Variants in SEC24B observed in about 807,000 individuals in gnomAD.
SEC24B encodes the protein protein transport protein Sec24B.
Under a neutral mutation model 142.8 loss-of-function variants are expected in SEC24B, and 45 were observed. The ratio of observed to expected loss-of-function variants is 0.32; its 90% CI spans 0.25 to 0.40. The LOEUF (loss-of-function observed/expected upper bound fraction) is 0.40. Ranked by LOEUF, SEC24B falls within the 10% of genes least tolerant of loss-of-function variation. The pLI, the probability that SEC24B is intolerant of heterozygous loss-of-function variation, is 1.00. For missense variants in SEC24B, 1,409 were observed against 1,526.8 expected (o/e 0.92, Z 1.29); for synonymous variants, 574 against 568.2 (o/e 1.01, Z -0.15).
intron 11 of SEC24B, among the ~76,000 whole-genome samples, chr4:109,518,559 T>A (rs547082221): frequency 6.6e-6 from 1 of 152,324 alleles, no homozygotes; most frequent in Admixed American, 6.5e-5. Flanking sequence ...ATATCACTGA[T>A]CTTGGCCTGA....
chr4:109,494,497 G>A (rs576529350), intron 5 of SEC24B, 118 bp from the exon 6 acceptor site: 38 of 1,340,290 alleles, frequency 2.8e-5, no homozygotes, highest in Non-Finnish European at 3.5e-5. Context: ...AAATTTCTTA[G>A]AATAAAAAGC....
At chr4:109,467,009 C>A (rs1731971338) in intron 2 of SEC24B, among the ~76,000 whole-genome samples, 1 of 152,136 alleles carries the variant, frequency 6.6e-6, no homozygotes, top group Non-Finnish European at 1.5e-5. Flanking sequence ...TAATTCAGTA[C>A]TAGAACTTCA....
rs948614935 is a variant in SEC24B, at chr4:109,433,984, G to C, written c.115G>C (p.Ala39Pro). ...AAPAGPGAGP[A>P]PHQQNGPAQN... ...GCCCGCGGGCCCGGGTGCGGGCCCG[G>C]CGCCGCACCAGCAGAACGGTGAGGC... Residue 39 changes from alanine to proline, a missense_variant, in exon 1 of 24, where the codon GCG (alanine) becomes CCG (proline). Ala to Pro is a conservative substitution (Grantham distance 27). Transcript: ENST00000265175. The C allele has an allele frequency of 3.8e-5, 45 of 1,196,846 alleles. 2 individuals carry two copies. 74.1% of individuals were successfully genotyped at this position (1,196,846 alleles called of 1,614,324 possible).
At chr4:109,458,741 A>G (rs971972765) in intron 1 of SEC24B, among the ~76,000 whole-genome samples, 1 of 152,182 alleles carries the variant, frequency 6.6e-6, no homozygotes, top group Non-Finnish European at 1.5e-5. Flanking sequence ...ATACATATAT[A>G]TGCAAAAAGA....
intron 1 of SEC24B, among the ~76,000 whole-genome samples, chr4:109,444,472 ATTTTT>A (rs796951465): frequency 7.8e-6 from 1 of 128,250 alleles, no homozygotes. Context: ...AGATCCTGTG[ATTTTT>A]TTTTTTTTTT....
At chr4:109,483,000 A>ACACACT (rs1733930571) in intron 4 of SEC24B, among the ~76,000 whole-genome samples, 1 of 108,180 alleles carries the variant, frequency 9.2e-6, no homozygotes, top group Non-Finnish European at 1.9e-5. Flanking sequence ...ACACACACAC[A>ACACACT]CACATATTAT....
chr4:109,497,799 G>C (rs1384559311), intron 6 of SEC24B, among the ~76,000 whole-genome samples: 1 of 152,108 alleles, frequency 6.6e-6, no homozygotes, highest in East Asian at 1.9e-4. Flanking sequence ...CTTTTAGTGA[G>C]TGTATATATC....
intron 1 of SEC24B, among the ~76,000 whole-genome samples, chr4:109,438,555 A>C (rs1728628994): frequency 6.6e-6 from 1 of 152,226 alleles, no homozygotes; most frequent in South Asian, 2.1e-4. Context: ...GACTTCCCAA[A>C]GTGCTGGGAT....
chr4:109,498,264 A>C (rs1735731291), intron 6 of SEC24B, among the ~76,000 whole-genome samples: 1 of 152,230 alleles, frequency 6.6e-6, no homozygotes, highest in Non-Finnish European at 1.5e-5. Context: ...TGATTTAGGT[A>C]TACAGCTAGG....
chr4:109,452,249 G>GC (rs147786791), intron 1 of SEC24B, among the ~76,000 whole-genome samples: 2,250 of 152,222 alleles, frequency 0.015, 38 homozygotes, highest in African/African-American at 0.038. Flanking sequence ...TGCACAAATT[G>GC]ATATTCTGTT....
chr4:109,466,480 A>G (rs1446096387), intron 2 of SEC24B, among the ~76,000 whole-genome samples: 3 of 152,200 alleles, frequency 2.0e-5, no homozygotes, highest in Non-Finnish European at 2.9e-5. Context: ...GCGCCATCTC[A>G]GCTCACTGCA....
At chr4:109,456,318 A>G (rs1189209876) in intron 1 of SEC24B, among the ~76,000 whole-genome samples, 2 of 149,060 alleles carry the variant, frequency 1.3e-5, no homozygotes, top group Non-Finnish European at 3.0e-5. Context: ...TCTGCAAATA[A>G]AGACAGGTTT....
intron 5 of SEC24B, among the ~76,000 whole-genome samples, chr4:109,493,689 C>T (rs1014831959): frequency 1.3e-5 from 2 of 150,062 alleles, no homozygotes; most frequent in South Asian, 2.1e-4. Context: ...AGTGCAATGG[C>T]GCAATCTCGG....
chr4:109,495,355 C>T (rs569049366), intron 6 of SEC24B, among the ~76,000 whole-genome samples: 4 of 152,304 alleles, frequency 2.6e-5, no homozygotes, highest in South Asian at 2.1e-4. Flanking sequence ...GCTCATTTAC[C>T]GCTGAAGTGG....
intron 10 of SEC24B, among the ~76,000 whole-genome samples, chr4:109,514,673 G>C (rs1407472091): frequency 6.6e-6 from 1 of 152,196 alleles, no homozygotes; most frequent in African/African-American, 2.4e-5. Flanking sequence ...ACACCAGCCT[G>C]GGCAACAGGG....
At chr4:109,479,896 T>C (rs1733554648) in intron 3 of SEC24B, among the ~76,000 whole-genome samples, 1 of 152,216 alleles carries the variant, frequency 6.6e-6, no homozygotes, top group Non-Finnish European at 1.5e-5. Flanking sequence ...GGCTCAAATA[T>C]TCGTTTTAAT....
chr4:109,439,307 A>G (rs1025027766), intron 1 of SEC24B, among the ~76,000 whole-genome samples: 1 of 151,870 alleles, frequency 6.6e-6, no homozygotes, highest in African/African-American at 2.4e-5. Flanking sequence ...AAATGATATA[A>G]ATCTCCCTAG....
intron 6 of SEC24B, among the ~76,000 whole-genome samples, chr4:109,498,903 G>C (rs976084919): frequency 6.6e-6 from 1 of 151,674 alleles, no homozygotes; most frequent in African/African-American, 2.4e-5. Context: ...TGTTTTTTAG[G>C]GTGGAAAAAC....
intron 10 of SEC24B, among the ~76,000 whole-genome samples, chr4:109,514,571 C>T (rs866238672): frequency 2.0e-5 from 3 of 152,082 alleles, no homozygotes; most frequent in African/African-American, 7.2e-5. Context: ...TGGTGGTGCA[C>T]GCCTGTAATC....
Sources: allele counts gnomAD v4.1 joint callset (sites outside exome capture counted in the v4.1 genomes callset), GRCh38; gene constraint gnomAD v4.1.1; transcripts MANE v1.5; gene names NCBI Gene and HGNC (gene_info 2026-07-23, HGNC 2026-07-21).